The following MCTP1 variants were observed in gnomAD, a reference collection of about 807,000 sequenced individuals.
The protein encoded by MCTP1 is multiple C2 and transmembrane domain containing 1, also known as multiple C2 and transmembrane domain-containing protein 1.
Under a neutral mutation model 120.6 loss-of-function variants are expected in MCTP1, and 69 were observed. The observed-to-expected ratio is 0.57, with a 90% CI of 0.47 to 0.70. The LOEUF (loss-of-function observed/expected upper bound fraction) is 0.70, where lower values mean the gene tolerates loss of function less well. MCTP1 is among the 30% of genes least tolerant of loss of function. The pLI is 0.00. For synonymous variants in MCTP1, 529 were observed against 493.1 expected (o/e 1.07, Z -0.96); for missense variants, 1,203 against 1,248.8 (o/e 0.96, Z 0.55).
intron 1 of MCTP1, among the ~76,000 whole-genome samples, chr5:95,096,375 A>T (rs967150100): frequency 3.9e-5 from 6 of 152,210 alleles, no homozygotes; most frequent in Non-Finnish European, 7.3e-5. Context: ...ACATATTCAC[A>T]AAAGGAATAA....
chr5:94,959,790 AC>A (rs1258281356), intron 2 of MCTP1, among the ~76,000 whole-genome samples: 1 of 152,242 alleles, frequency 6.6e-6, no homozygotes, highest in Non-Finnish European at 1.5e-5. Context: ...AAATGGAAAA[AC>A]ATTCCATGCT....
At chr5:95,122,281 G>C (rs1048857104) in intron 1 of MCTP1, among the ~76,000 whole-genome samples, 6 of 147,110 alleles carry the variant, frequency 4.1e-5, no homozygotes, top group Non-Finnish European at 9.0e-5. Flanking sequence ...AATATATAAG[G>C]AGCTCAAACG....
chr5:94,731,305 C>T (rs1561540494), intron 19 of MCTP1, among the ~76,000 whole-genome samples: 1 of 152,060 alleles, frequency 6.6e-6, no homozygotes. Flanking sequence ...AAAGATTGGA[C>T]ACCCCGATTC....
At chr5:94,740,800 A>T (rs1038969667) in intron 19 of MCTP1, among the ~76,000 whole-genome samples, 4 of 152,198 alleles carry the variant, frequency 2.6e-5, no homozygotes, top group African/African-American at 9.7e-5. Flanking sequence ...ACAGACCCAG[A>T]TGAAAATATT....
chr5:95,001,104 C>T (rs145259404), intron 2 of MCTP1, among the ~76,000 whole-genome samples: 1 of 152,210 alleles, frequency 6.6e-6, no homozygotes, highest in Non-Finnish European at 1.5e-5. Context: ...CCTGCTGGCA[C>T]TCATTTTCTC....
chr5:94,919,795 T>C (rs1465232231), intron 7 of MCTP1, among the ~76,000 whole-genome samples: 1 of 152,238 alleles, frequency 6.6e-6, no homozygotes, highest in Non-Finnish European at 1.5e-5. Flanking sequence ...GAATTGCACC[T>C]GGATGATGAA....
At chr5:94,758,273 C>T (rs921716229) in intron 19 of MCTP1, among the ~76,000 whole-genome samples, 2 of 152,158 alleles carry the variant, frequency 1.3e-5, no homozygotes, top group Admixed American at 6.5e-5. Flanking sequence ...GAGAAAAGTA[C>T]TATATCTTGA....
rs553513143 is a variant in MCTP1, at chr5:94,764,888, C to T, written c.2610+14222G>A. Among the ~76,000 whole-genome samples the T allele has an allele frequency of 8.1e-5, 12 of 148,234 alleles. No individual in the cohort carries two copies. The South Asian group carries it at 2.5e-3, about 31-fold the overall frequency. ...ATTGGATTTAAACCACACTGTAGAC[C>T]AAATGGACCTAACAGAGCTTTATAG... On this transcript the variant is annotated intron_variant, in intron 19 of 22. Transcript: ENST00000515393.
chr5:94,775,965 T>TTG (rs369552416), intron 19 of MCTP1, among the ~76,000 whole-genome samples: 2 of 145,618 alleles, frequency 1.4e-5, no homozygotes, highest in African/African-American at 5.0e-5. Context: ...TATATTTATA[T>TTG]TATATATATA....
chr5:94,783,163 A>G (rs1580667145), intron 18 of MCTP1, among the ~76,000 whole-genome samples: 1 of 152,176 alleles, frequency 6.6e-6, no homozygotes, highest in African/African-American at 2.4e-5. Flanking sequence ...TAAAGATGAC[A>G]TTTAAAAAAA....
intron 2 of MCTP1, among the ~76,000 whole-genome samples, chr5:94,964,432 T>C (rs1191187372): frequency 6.6e-6 from 1 of 152,172 alleles, no homozygotes; most frequent in Non-Finnish European, 1.5e-5. Flanking sequence ...GATCTGTTCA[T>C]TGCTGAGAGT....
At chr5:94,831,082 G>A (rs577162622) in intron 17 of MCTP1, among the ~76,000 whole-genome samples, 6 of 152,322 alleles carry the variant, frequency 3.9e-5, no homozygotes, top group African/African-American at 1.4e-4. Flanking sequence ...AAGACATGAT[G>A]CTATAGACGT....
chr5:94,741,299 T>C (rs1765476789), intron 19 of MCTP1, among the ~76,000 whole-genome samples: 2 of 152,124 alleles, frequency 1.3e-5, no homozygotes, highest in Admixed American at 1.3e-4. Flanking sequence ...AAAAAGGAAA[T>C]GATGATTGCT....
chr5:94,875,314 G>C (rs1798598691), intron 12 of MCTP1, among the ~76,000 whole-genome samples: 1 of 152,118 alleles, frequency 6.6e-6, no homozygotes. Context: ...CAGAGAAGTG[G>C]CTGTGCCAGG....
At chr5:94,926,726 C>A (rs1339346178) in intron 6 of MCTP1, among the ~76,000 whole-genome samples, 2 of 152,206 alleles carry the variant, frequency 1.3e-5, no homozygotes, top group Non-Finnish European at 2.9e-5. Flanking sequence ...TGTAATCGCA[C>A]AGCAGCCCTT....
chr5:94,857,167 T>G (rs1794881614), intron 17 of MCTP1, among the ~76,000 whole-genome samples: 1 of 151,846 alleles, frequency 6.6e-6, no homozygotes, highest in South Asian at 2.1e-4. Context: ...TCTCTTACAA[T>G]AGTATAGCTT....
chr5:94,894,409 T>C (rs1803404588), intron 11 of MCTP1, among the ~76,000 whole-genome samples: 1 of 152,190 alleles, frequency 6.6e-6, no homozygotes, highest in Non-Finnish European at 1.5e-5. Flanking sequence ...CTGAGTAGAA[T>C]CTCAGAATCC....
intron 1 of MCTP1, among the ~76,000 whole-genome samples, chr5:95,190,002 C>T (rs191661228): frequency 1.9e-4 from 29 of 152,006 alleles, no homozygotes; most frequent in Admixed American, 6.6e-4. Flanking sequence ...GTGGGAGAGA[C>T]GTATATATAT....
intron 1 of MCTP1, among the ~76,000 whole-genome samples, chr5:95,100,868 C>CA (rs1756670813): frequency 6.6e-6 from 1 of 152,124 alleles, no homozygotes; most frequent in African/African-American, 2.4e-5. Flanking sequence ...CAAATTCAAA[C>CA]AAAACAAACT....
Sources: allele counts gnomAD v4.1 joint callset (sites outside exome capture counted in the v4.1 genomes callset), GRCh38; gene constraint gnomAD v4.1.1; transcripts MANE v1.5; gene names NCBI Gene and HGNC (gene_info 2026-07-23, HGNC 2026-07-21).